Variants in NSUN6 observed in about 807,000 individuals in gnomAD.
NSUN6 encodes NOP2/Sun RNA methyltransferase 6.
Under a neutral mutation model 58.0 loss-of-function variants are expected in NSUN6, and 64 were observed. That is an observed-to-expected ratio of 1.10 (90% CI 0.90 to 1.36). NSUN6 has a LOEUF of 1.36. NSUN6 is among the 40% of genes most tolerant of loss of function. The probability of loss-of-function intolerance (pLI) is 0.00; values close to 1 mark genes in which losing one functional copy is unlikely to be tolerated. For missense variants in NSUN6, 701 were observed against 550.1 expected, an observed-to-expected ratio of 1.27 and a Z score of -2.74; for synonymous variants, 231 against 193.9, an observed-to-expected ratio of 1.19 and a Z score of -1.59.
chr10:18,595,942 A>G (rs1363966359), intron 7 of NSUN6, among the ~76,000 whole-genome samples: 3 of 152,210 alleles, frequency 2.0e-5, no homozygotes, highest in African/African-American at 7.2e-5. Flanking sequence ...AAAATGAAAT[A>G]ATCTAAATGT....
rs371786023 is a variant in NSUN6 at position 18,613,297 on chromosome 10, G to A, written c.575+1163C>T. 2.2e-4 allele frequency among the ~76,000 whole-genome samples: 34 copies of A among 152,024 alleles called. No homozygotes were observed. The East Asian group carries it at 3.7e-3, about 16-fold the overall frequency. ...TTTTTAGTATAGATGGGCTTTCACC[G>A]TGTTGGCCAGGCTGGTCTCGAACTC... On this transcript the variant is annotated intron_variant, in intron 5 of 10. Transcript: ENST00000377304.
chr10:18,652,505 A>T (rs969678443), upstream of NSUN6: 7 of 984,344 alleles, frequency 7.1e-6, no homozygotes, highest in African/African-American at 1.2e-4. Context: ...CAGAAAGAGT[A>T]GAAAATAATG....
At chr10:18,650,059 T>G (rs772998362) in intron 1 of NSUN6, among the ~76,000 whole-genome samples, 1 of 152,178 alleles carries the variant, frequency 6.6e-6, no homozygotes, top group African/African-American at 2.4e-5. Flanking sequence ...AGAGGCAACA[T>G]GGTAAAGTGG....
intron 8 of NSUN6, among the ~76,000 whole-genome samples, chr10:18,570,697 C>T (rs1381417319): frequency 1.0e-5 from 1 of 97,724 alleles, no homozygotes; most frequent in East Asian, 3.3e-4. Context: ...TGCTCCATTC[C>T]ATTCCATTCT....
intron 8 of NSUN6, among the ~76,000 whole-genome samples, chr10:18,557,779 G>T (rs1023190628): frequency 1.5e-4 from 22 of 151,470 alleles, no homozygotes; most frequent in African/African-American, 5.1e-4. Flanking sequence ...GAATGGAACA[G>T]AATGGAATGG....
upstream of NSUN6, chr10:18,652,914 A>T (rs138545376): frequency 1.0e-6 from 1 of 985,110 alleles, no homozygotes; most frequent in East Asian, 1.1e-4. Flanking sequence ...ACAACTCTCC[A>T]TGTTCTCACA....
intron 8 of NSUN6, among the ~76,000 whole-genome samples, chr10:18,566,326 C>T (rs1248015368): frequency 6.7e-6 from 1 of 149,388 alleles, no homozygotes; most frequent in Non-Finnish European, 1.5e-5. Flanking sequence ...CATTCTATTC[C>T]ATTCCACAAT....
At chr10:18,569,891 T>C (rs2056236325) in intron 8 of NSUN6, among the ~76,000 whole-genome samples, 1 of 147,850 alleles carries the variant, frequency 6.8e-6, no homozygotes, top group Non-Finnish European at 1.5e-5. Context: ...CATTCCATTC[T>C]CCCTTCTATT....
chr10:18,643,090 G>C (rs1195644942), intron 2 of NSUN6, among the ~76,000 whole-genome samples: 1 of 151,888 alleles, frequency 6.6e-6, no homozygotes, highest in African/African-American at 2.4e-5. Context: ...GCTCACACCA[G>C]CTCAGGAGAG....
intron 8 of NSUN6, among the ~76,000 whole-genome samples, chr10:18,582,740 A>C (rs1448833180): frequency 6.6e-6 from 1 of 152,164 alleles, no homozygotes; most frequent in African/African-American, 2.4e-5. Context: ...GGAAAGAGAC[A>C]AAGTGAGCCC....
rs565449818 is a variant in NSUN6 at position 18,592,028 on chromosome 10, T to C, written c.777+4180A>G. 1.4e-4 allele frequency among the ~76,000 whole-genome samples: 22 copies of C among 152,116 alleles called. No individual in the cohort carries two copies. The South Asian group carries it at 3.7e-3, about 26-fold the overall frequency. ...AAGCAACTTCAGCAAAGTCTCAGGA[T>C]AAAAAATCAGTGTGCAAAAAAATCA... On this transcript the variant is annotated intron_variant, in intron 7 of 10. Coordinates refer to ENST00000377304, the MANE Select transcript of NSUN6 (RefSeq NM_182543.5).
At chr10:18,636,546 T>C (rs2059220534) in intron 3 of NSUN6, among the ~76,000 whole-genome samples, 1 of 151,348 alleles carries the variant, frequency 6.6e-6, no homozygotes, top group Admixed American at 6.6e-5. Context: ...GGTAGGAATT[T>C]TAGGGAAAAT....
At chr10:18,546,649 G>A (rs770773151) in intron 10 of NSUN6, among the ~76,000 whole-genome samples, 2 of 152,044 alleles carry the variant, frequency 1.3e-5, no homozygotes, top group African/African-American at 2.4e-5. Flanking sequence ...AGGCCGAGGC[G>A]GGCTGATTAC....
chr10:18,599,285 T>C (rs2131234622), intron 6 of NSUN6, among the ~76,000 whole-genome samples: 1 of 152,242 alleles, frequency 6.6e-6, no homozygotes, highest in South Asian at 2.1e-4. Context: ...TGAGATGGGG[T>C]TGCAGTATGT....
intron 5 of NSUN6, 75 bp downstream of exon 5, chr10:18,614,385 A>T: frequency 1.1e-6 from 1 of 900,350 alleles, no homozygotes; most frequent in Non-Finnish European, 1.6e-6. Flanking sequence ...GCAACTAGAT[A>T]CATTTTACAT....
chr10:18,584,635 A>G (rs2057046232), intron 8 of NSUN6, among the ~76,000 whole-genome samples: 1 of 152,220 alleles, frequency 6.6e-6, no homozygotes, highest in Non-Finnish European at 1.5e-5. Flanking sequence ...TTATGGCTGA[A>G]AATGACCCAC....
intron 3 of NSUN6, among the ~76,000 whole-genome samples, chr10:18,636,884 A>C (rs1306310074): frequency 1.3e-5 from 2 of 150,892 alleles, no homozygotes; most frequent in African/African-American, 4.9e-5. Context: ...CCAAGATTCC[A>C]TCTCAAAAAA....
intron 5 of NSUN6, among the ~76,000 whole-genome samples, chr10:18,614,072 A>C (rs761152019): frequency 1.3e-5 from 2 of 152,130 alleles, no homozygotes; most frequent in Non-Finnish European, 1.5e-5. Context: ...TAATTAAAAA[A>C]TATGTTTAAT....
Position 18,646,989 on chromosome 10 carries a change from C to T in NSUN6, c.231+1501G>A, listed in dbSNP as rs567595617. On this transcript the variant is annotated intron_variant, in intron 2 of 10. Transcript: ENST00000377304. The stretch of plus-strand genomic sequence containing the variant: ...CTTATGTTTTATACCTGTCATTACT[C>T]TCAATAAGATTATCACTATCAATAA... Among the ~76,000 whole-genome samples the T allele has an allele frequency of 5.3e-5, 8 of 152,224 alleles. No homozygotes were observed. The East Asian group carries it at 1.5e-3, about 29-fold the overall frequency.
Sources: allele counts gnomAD v4.1 joint callset (sites outside exome capture counted in the v4.1 genomes callset), GRCh38; gene constraint gnomAD v4.1.1; transcripts MANE v1.5; gene names NCBI Gene and HGNC (gene_info 2026-07-23, HGNC 2026-07-21).